The following SPOCK3 variants were observed in gnomAD, a reference collection of about 807,000 sequenced individuals.
SPOCK3 encodes SPARC (osteonectin), cwcv and kazal like domains proteoglycan 3.
SPOCK3 carries 30 observed loss-of-function variants against 56.6 expected under a neutral mutation model. The observed-to-expected ratio is 0.53, with a 90% CI of 0.40 to 0.72. SPOCK3 has a LOEUF of 0.72. Ranked by LOEUF, SPOCK3 falls within the 30% of genes least tolerant of loss-of-function variation. The pLI is 0.00. For missense variants in SPOCK3, 527 were observed against 530.0 expected, an observed-to-expected ratio of 0.99 and a Z score of 0.06; for synonymous variants, 196 against 183.3, an observed-to-expected ratio of 1.07 and a Z score of -0.56.
At chr4:167,205,929 GAA>G (rs2079872795) in intron 2 of SPOCK3, among the ~76,000 whole-genome samples, 1 of 151,772 alleles carries the variant, frequency 6.6e-6, no homozygotes, top group Non-Finnish European at 1.5e-5. Context: ...TTTTAAATAG[GAA>G]AACTGCTTAG....
At chr4:166,836,917 T>C (rs1243925609) in intron 6 of SPOCK3, among the ~76,000 whole-genome samples, 1 of 152,218 alleles carries the variant, frequency 6.6e-6, no homozygotes, top group East Asian at 1.9e-4. Context: ...ATCTTAGTAA[T>C]TTTCCATTCA....
intron 2 of SPOCK3, among the ~76,000 whole-genome samples, chr4:167,231,352 T>C (rs1737159423): frequency 1.3e-5 from 2 of 152,140 alleles, no homozygotes; most frequent in African/African-American, 4.8e-5. Context: ...CAAGCAATAA[T>C]TATGCTGATG....
In SPOCK3 at chr4:167,165,991, A is replaced by T. The variant is rs185049893; in HGVS notation, c.189+67994T>A. Among the ~76,000 whole-genome samples, 874 of 152,172 alleles carry T rather than the reference A, an allele frequency of 5.7e-3. 1 individual carries two copies. Among genetic ancestry groups the T allele is most frequent in the Non-Finnish European group, 9.4e-3 (640 of 67,954 alleles). On this transcript the variant is annotated intron_variant, in intron 2 of 10. Transcript: ENST00000357545. ...GACTTATGAAATTTTATATGGTTTA[A>T]ATAACATCTTAATGAAAAGGCAATA...
rs184228366 is a variant in SPOCK3, at chr4:166,915,309, C to T, written c.351-2566G>A. Among the ~76,000 whole-genome samples the T allele has an allele frequency of 4.7e-4, 71 of 152,050 alleles. No homozygotes were observed. In the East Asian group the frequency reaches 0.013, roughly 29 times the overall value. On this transcript the variant is annotated intron_variant, in intron 4 of 10. Transcript: ENST00000357545. ...ACCTGTACATTCTGCACATGTATCC[C>T]AGGACTTAAAATAATTAAAAAAAAA...
chr4:167,064,894 G>T (rs143229391), intron 2 of SPOCK3, among the ~76,000 whole-genome samples: 2 of 151,562 alleles, frequency 1.3e-5, no homozygotes, highest in Non-Finnish European at 3.0e-5. Flanking sequence ...CTACTCATAA[G>T]GGTCAAGTTT....
intron 2 of SPOCK3, among the ~76,000 whole-genome samples, chr4:167,106,864 C>T (rs1026581066): frequency 4.8e-4 from 73 of 151,294 alleles, no homozygotes; most frequent in Non-Finnish European, 1.3e-4. Context: ...TTAGTGGCTA[C>T]TATGAGCAAG....
intron 6 of SPOCK3, among the ~76,000 whole-genome samples, chr4:166,797,323 A>T (rs11131938): frequency 0.34 from 10,355 of 30,156 alleles, 1,044 homozygotes; most frequent in African/African-American, 0.54. Flanking sequence ...TTTTTTTTTT[A>T]AACAAAGCTT....
chr4:166,957,598 T>C (rs1346440758), intron 4 of SPOCK3, among the ~76,000 whole-genome samples: 2 of 152,202 alleles, frequency 1.3e-5, no homozygotes, highest in African/African-American at 2.4e-5. Context: ...CTTCAAAATA[T>C]CTTGTGTATG....
chr4:166,767,814 G>T (rs9684307), intron 7 of SPOCK3, among the ~76,000 whole-genome samples: 50,157 of 151,930 alleles, frequency 0.33, 8,450 homozygotes, highest in Admixed American at 0.42. Flanking sequence ...TTATTATTGT[G>T]TGGGAGTCTA....
chr4:167,142,237 A>T (rs1369612629), intron 2 of SPOCK3, among the ~76,000 whole-genome samples: 2 of 151,940 alleles, frequency 1.3e-5, no homozygotes, highest in Non-Finnish European at 2.9e-5. Flanking sequence ...AATAGAGAAA[A>T]CTGAAGACCC....
intron 2 of SPOCK3, among the ~76,000 whole-genome samples, chr4:167,145,839 C>T (rs1763903481): frequency 6.6e-6 from 1 of 152,074 alleles, no homozygotes; most frequent in Non-Finnish European, 1.5e-5. Flanking sequence ...ACAACCAGTA[C>T]CAGCCATTGC....
chr4:166,763,784 T>C (rs1366104697), intron 7 of SPOCK3, among the ~76,000 whole-genome samples: 1 of 152,090 alleles, frequency 6.6e-6, no homozygotes, highest in Admixed American at 6.6e-5. Flanking sequence ...CACCAAAAAG[T>C]AAAATATAGT....
At chr4:167,087,670 C>T (rs1365813590) in intron 2 of SPOCK3, among the ~76,000 whole-genome samples, 1 of 152,046 alleles carries the variant, frequency 6.6e-6, no homozygotes, top group Admixed American at 6.6e-5. Flanking sequence ...AGTAAATCGC[C>T]TAAAGTTATT....
In SPOCK3 at chr4:166,783,386, CA is replaced by C. The variant is rs1199178064; in HGVS notation, c.709+8783del. Among the ~76,000 whole-genome samples, 5 of 152,060 alleles carry C rather than the reference CA, an allele frequency of 3.3e-5. No individual in the cohort carries two copies. The East Asian group carries it at 9.7e-4, about 29-fold the overall frequency. On this transcript the variant is annotated intron_variant, in intron 7 of 10. Coordinates refer to ENST00000357545, the MANE Select transcript of SPOCK3 (RefSeq NM_001040159.2). ...AAAAAAGAAAGCAGTATTGGAAAAC[CA>C]TATAACTCAGGCTGCTAACATTTTC...
At chr4:166,851,362 T>G (rs1730059750) in intron 6 of SPOCK3, among the ~76,000 whole-genome samples, 1 of 151,960 alleles carries the variant, frequency 6.6e-6, no homozygotes, top group African/African-American at 2.4e-5. Flanking sequence ...ACCACAAAGA[T>G]GGGGAAAAGA....
At chr4:166,864,929 T>G (rs1731643825) in intron 6 of SPOCK3, among the ~76,000 whole-genome samples, 1 of 152,156 alleles carries the variant, frequency 6.6e-6, no homozygotes, top group Non-Finnish European at 1.5e-5. Flanking sequence ...CCTAACTTAT[T>G]TTATGAGGCC....
intron 4 of SPOCK3, among the ~76,000 whole-genome samples, chr4:166,983,570 T>G (rs567654618): frequency 1.3e-5 from 2 of 152,116 alleles, no homozygotes; most frequent in Non-Finnish European, 2.9e-5. Flanking sequence ...TATAGCTGCA[T>G]GGGATGGCTA....
chr4:167,140,784 G>A (rs1455447639), intron 2 of SPOCK3, among the ~76,000 whole-genome samples: 1 of 151,792 alleles, frequency 6.6e-6, no homozygotes, highest in Non-Finnish European at 1.5e-5. Flanking sequence ...CTGTTCTTTG[G>A]GCTTATTTAT....
rs374296552 is a variant in SPOCK3 at position 166,736,309 on chromosome 4, T to C, written c.1132+1158A>G. Reference sequence around the variant, plus strand: ...TTTTATTTACAACATAAAAAAGTTATGTATCCATCATTGTCATCAATGACA... The same window carrying C: ...TTTTATTTACAACATAAAAAAGTTACGTATCCATCATTGTCATCAATGACA... On this transcript the variant is annotated intron_variant, in intron 10 of 10. Coordinates refer to ENST00000357545, the MANE Select transcript of SPOCK3 (RefSeq NM_001040159.2). 2.6e-5 allele frequency among the ~76,000 whole-genome samples: 4 copies of C among 152,130 alleles called. No homozygotes were observed. The South Asian group carries it at 6.2e-4, about 24-fold the overall frequency.
Sources: gnomAD v4.1 joint callset for allele counts (sites outside exome capture counted in the v4.1 genomes callset) on GRCh38, gnomAD v4.1.1 for gene constraint, MANE v1.5 for transcripts, NCBI Gene and HGNC (gene_info 2026-07-23, HGNC 2026-07-21) for gene names.